PATJ: variants seen among roughly 807,000 people sequenced by gnomAD.
PATJ encodes the protein inaD-like protein.
In PATJ, 190 loss-of-function variants were observed where a neutral mutation model predicts 224.9. That is an observed-to-expected ratio of 0.84 (90% CI 0.75 to 0.95). The LOEUF (loss-of-function observed/expected upper bound fraction) is 0.95, where lower values mean the gene tolerates loss of function less well. Among genes scored for constraint, PATJ ranks in the 40% least tolerant of loss-of-function variants. PATJ has a pLI of 0.00. For synonymous variants in PATJ, 769 were observed against 820.3 expected (o/e 0.94, Z 1.07); for missense variants, 2,121 against 2,270.3 (o/e 0.93, Z 1.34).
At chr1:61,786,500 A>T (rs1389336976) in intron 7 of PATJ, among the ~76,000 whole-genome samples, 1 of 151,854 alleles carries the variant, frequency 6.6e-6, no homozygotes, top group Non-Finnish European at 1.5e-5. Context: ...TTGAATGTCT[A>T]ATAGGTATCT....
intron 24 of PATJ, among the ~76,000 whole-genome samples, chr1:61,903,881 T>C (rs1671528437): frequency 6.6e-6 from 1 of 151,434 alleles, no homozygotes; most frequent in African/African-American, 2.4e-5. Flanking sequence ...CAAGCAATTC[T>C]CCTGCCTCAG....
chr1:61,916,470 G>T (rs532338206), intron 26 of PATJ, among the ~76,000 whole-genome samples: 16 of 151,214 alleles, frequency 1.1e-4, no homozygotes, highest in Non-Finnish European at 1.8e-4. Flanking sequence ...TCATTTTATT[G>T]TATCTGCTAA....
intron 31 of PATJ, chr1:62,054,240 G>A (rs1224933121): frequency 3.3e-4 from 82 of 246,814 alleles, no homozygotes; most frequent in Non-Finnish European, 2.5e-4. Context: ...ACAAGCACCT[G>A]TAGTCTCAGC....
chr1:61,797,284 T>C lies in PATJ; in HGVS notation c.1261-3T>C. ...CTGCTTAATGTTTCTCTTGATGTTT[T>C]AGGTCGATGGCGTGAACATTCAGGG... On this transcript the variant is annotated splice_region_variant and splice_polypyrimidine_tract_variant and intron_variant, in intron 10 of 43. Coordinates refer to ENST00000642238, the MANE Select transcript of PATJ (RefSeq NM_001350145.3). 2 of 1,610,302 alleles carry C rather than the reference T, an allele frequency of 1.2e-6. No homozygotes were observed. The highest frequency in any genetic ancestry group is 3.3e-5 in the Admixed American group (2 of 59,944).
intron 35 of PATJ, among the ~76,000 whole-genome samples, 176 bp from the exon 36 acceptor site, chr1:62,116,356 T>C (rs1411325931): frequency 6.6e-6 from 1 of 152,074 alleles, no homozygotes; most frequent in Non-Finnish European, 1.5e-5. Context: ...ATTTAAAAAA[T>C]GAGGAAGCTC....
rs770387554 is a variant in PATJ, at chr1:61,822,815, G to A, written c.1684-130G>A. 5 of 1,033,174 alleles carry A rather than the reference G, an allele frequency of 4.8e-6. No homozygotes were observed. The Admixed American group carries it at 6.8e-5, about 14-fold the overall frequency. The allele number at this position is 1,033,174 out of a possible 1,614,324, so 64.0% of individuals were successfully genotyped here. On this transcript the variant is annotated intron_variant, in intron 14 of 43. Coordinates refer to ENST00000642238, the MANE Select transcript of PATJ (RefSeq NM_001350145.3). ...ACCTGAAGCTAATTTTCCTATTATT[G>A]TCCTCTTTTAGGATTTTGGTGATCT...
chr1:61,901,567 G>T, intron 24 of PATJ, 108 bp downstream of exon 24: 1 of 724,752 alleles, frequency 1.4e-6, no homozygotes, highest in Non-Finnish European at 2.2e-6. Context: ...TGTGTGTACA[G>T]TTGGTGTGCT....
At chr1:61,868,898 A>T (rs1212100250) in intron 20 of PATJ, among the ~76,000 whole-genome samples, 1 of 152,152 alleles carries the variant, frequency 6.6e-6, no homozygotes, top group African/African-American at 2.4e-5. Flanking sequence ...AACTGACATA[A>T]GGCATTAACA....
In PATJ at chr1:62,114,045, T is replaced by G; in HGVS notation, c.4462-8T>G. ...CAGCAGCCCAGCTCAGGATGCCCAT[T>G]GTTCCAGGTTAATGGGGTTGACCTG... On this transcript the variant is annotated splice_polypyrimidine_tract_variant and splice_region_variant and intron_variant, in intron 34 of 43. Transcript: ENST00000642238. The G allele has an allele frequency of 1.9e-6, 3 of 1,613,440 alleles. No homozygotes were observed. The highest frequency in any genetic ancestry group is 2.5e-6 in the Non-Finnish European group (3 of 1,179,724).
chr1:61,839,221 C>T (rs1660698258), intron 17 of PATJ, among the ~76,000 whole-genome samples: 1 of 151,960 alleles, frequency 6.6e-6, no homozygotes, highest in African/African-American at 2.4e-5. Context: ...TATTATAGGG[C>T]ATCCATACAG....
intron 21 of PATJ, among the ~76,000 whole-genome samples, chr1:61,878,787 A>G (rs1667690205): frequency 6.9e-6 from 1 of 145,768 alleles, no homozygotes; most frequent in Non-Finnish European, 1.5e-5. Context: ...GAACTTATGG[A>G]TTTTTTTTTT....
chr1:62,117,156 G>A lies in PATJ; in HGVS notation c.4828G>A (p.Glu1610Lys). The A allele has an allele frequency of 6.2e-7, 1 of 1,614,016 alleles. No individual in the cohort carries two copies. The highest frequency in any genetic ancestry group is 8.5e-7 in the Non-Finnish European group (1 of 1,179,976). ...LKCAQGLVQL[E>K]IGRLRAGSWT... ...GTGTGCACAGGGACTTGTGCAGCTA[G>A]AGATTGGAAGACTCCGAGCTGGTTC... Residue 1610 changes from glutamate (E) to lysine (K), a missense_variant, in exon 37 of 44, where the codon GAG becomes AAG. By Grantham distance (56) the Glu-to-Lys change is moderately conservative. Coordinates refer to ENST00000642238, the MANE Select transcript of PATJ (RefSeq NM_001350145.3).
At chr1:61,819,637 G>C (rs1456726306) in intron 14 of PATJ, among the ~76,000 whole-genome samples, 1 of 152,154 alleles carries the variant, frequency 6.6e-6, no homozygotes, top group East Asian at 1.9e-4. Flanking sequence ...CGGGTGGGAA[G>C]GCAGCTCCAA....
chr1:61,830,911 G>C (rs1221003921), intron 16 of PATJ, among the ~76,000 whole-genome samples: 1 of 152,006 alleles, frequency 6.6e-6, no homozygotes, highest in African/African-American at 2.4e-5. Flanking sequence ...AATGTAGGCC[G>C]GGCATGGTGA....
At chr1:61,900,659 G>A (rs897411142) in intron 23 of PATJ, among the ~76,000 whole-genome samples, 1 of 151,598 alleles carries the variant, frequency 6.6e-6, no homozygotes, top group Non-Finnish European at 1.5e-5. Context: ...GCGCAATCTC[G>A]GCTCACTGCA....
At chr1:61,748,446 G>A (rs1235672951) in intron 1 of PATJ, among the ~76,000 whole-genome samples, 1 of 149,018 alleles carries the variant, frequency 6.7e-6, no homozygotes, top group African/African-American at 2.5e-5. Flanking sequence ...AGTACAGACG[G>A]GGTTTCACCA....
chr1:61,784,526 C>T (rs911790076), intron 7 of PATJ, among the ~76,000 whole-genome samples: 5 of 151,944 alleles, frequency 3.3e-5, no homozygotes, highest in Non-Finnish European at 5.9e-5. Context: ...TGCAAATTAT[C>T]GACATCATTT....
chr1:61,888,854 T>A (rs1303896771), intron 22 of PATJ, among the ~76,000 whole-genome samples: 1 of 152,230 alleles, frequency 6.6e-6, no homozygotes, highest in East Asian at 1.9e-4. Context: ...ACAAGCTGAT[T>A]TCTTATGCAG....
chr1:61,896,114 T>C (rs1299499430), intron 22 of PATJ, among the ~76,000 whole-genome samples: 1 of 152,136 alleles, frequency 6.6e-6, no homozygotes, highest in Non-Finnish European at 1.5e-5. Flanking sequence ...CTGACCATCA[T>C]GGTGAAACCC....
Sources: gnomAD v4.1 joint callset for allele counts (sites outside exome capture counted in the v4.1 genomes callset) on GRCh38, gnomAD v4.1.1 for gene constraint, MANE v1.5 for transcripts, NCBI Gene and HGNC (gene_info 2026-07-23, HGNC 2026-07-21) for gene names.